The following ZNF729 variants were observed in gnomAD, a reference collection of about 807,000 sequenced individuals.
The protein encoded by ZNF729 is zinc finger protein 729.
Under a neutral mutation model 12.2 loss-of-function variants are expected in ZNF729, and 15 were observed. That is an observed-to-expected ratio of 1.23 (90% CI 0.82 to 1.89). ZNF729 has a LOEUF of 1.89. Among genes scored for constraint, ZNF729 ranks in the 40% most tolerant of loss-of-function variants. ZNF729 has a pLI of 0.00. For synonymous variants in ZNF729, 492 were observed against 476.3 expected, an observed-to-expected ratio of 1.03 and a Z score of -0.43; for missense variants, 1,540 against 1,456.7, an observed-to-expected ratio of 1.06 and a Z score of -0.93.
intron 3 of ZNF729, among the ~76,000 whole-genome samples, chr19:22,307,777 C>A (rs1599757267): frequency 7.2e-5 from 9 of 125,780 alleles, no homozygotes; most frequent in Admixed American, 7.8e-5. Flanking sequence ...TCTTTTATTA[C>A]ATCAAAATTT....
rs1968516696 is a variant in ZNF729 at position 22,315,341 on chromosome 19, C to T, written c.1924C>T (p.His642Tyr). ...ECGKAFRQSS[H>Y]LTRHKAIHTG... ...TGGCAAAGCTTTTAGGCAATCCTCA[C>T]ACCTTACTAGACATAAAGCAATTCA... The change falls in exon 4 of 4, where the codon CAC becomes TAC. Residue 642 changes from histidine (H) to tyrosine (Y), a missense_variant. By Grantham distance (83) the His-to-Tyr change is moderately conservative. Transcript: ENST00000601693. 6.2e-7 allele frequency: 1 copy of T among 1,607,470 alleles called. No individual in the cohort carries two copies. The highest frequency in any genetic ancestry group is 1.7e-5 in the Admixed American group (1 of 59,438).
rs751954339 is a variant in ZNF729, at chr19:22,315,239, G to C, written c.1822G>C (p.Ala608Pro). Reference protein sequence around the residue: ...KLYKCEECGKAFNNSSILAKH... With the variant: ...KLYKCEECGKPFNNSSILAKH... ...GTACAAATGTGAAGAATGTGGCAAA[G>C]CTTTTAACAATTCCTCAATCCTTGC... Residue 608 changes from alanine (A) to proline (P), a missense_variant, in exon 4 of 4, where the codon GCT (alanine) becomes CCT (proline). Transcript: ENST00000601693. 125 of 1,612,200 alleles carry C rather than the reference G, an allele frequency of 7.8e-5. No individual in the cohort carries two copies. The East Asian group carries it at 2.7e-3, about 35-fold the overall frequency.
Position 22,286,453 on chromosome 19 carries a change from C to G in ZNF729, c.-73C>G. The G allele has an allele frequency of 1.3e-6, 2 of 1,591,024 alleles. No individual in the cohort carries two copies. The highest frequency in any genetic ancestry group is 1.7e-6 in the Non-Finnish European group (2 of 1,166,578). The stretch of plus-strand genomic sequence containing the variant: ...TCTGGTTGCAGCCGCAGTTCCCGGT[C>G]TCGCCTTCACTGCTGTGTGTCCTCA... On this transcript the variant is annotated 5_prime_UTR_variant, in exon 1 of 4. Coordinates refer to ENST00000601693, the MANE Select transcript of ZNF729 (RefSeq NM_001242680.2).
chr19:22,314,262 A>G lies in ZNF729; in HGVS notation c.845A>G (p.His282Arg), dbSNP rs1968489975. The G allele has an allele frequency of 6.2e-7, 1 of 1,610,004 alleles. No individual in the cohort carries two copies. ...AFNQSSNLTDHKRIHTGEKTY... is the reference protein window; with the variant it reads ...AFNQSSNLTDRKRIHTGEKTY... ...AACCAGTCCTCAAATCTTACTGACC[A>G]TAAGAGAATTCATACTGGAGAGAAA... Residue 282 changes from histidine to arginine, a missense_variant, in exon 4 of 4, where the codon CAT (histidine) becomes CGT (arginine). By Grantham distance (29) the His-to-Arg change is conservative. Transcript: ENST00000601693.
Position 22,303,890 on chromosome 19 carries a change from G to C in ZNF729, c.157+6G>C. ...CAGAAACCTGGTCTTCCTGGGTGAG[G>C]ATAATTTTAATTAAGCAATTCCTAT... On this transcript the variant is annotated splice_donor_region_variant and intron_variant, in intron 2 of 3. Coordinates refer to ENST00000601693, the MANE Select transcript of ZNF729 (RefSeq NM_001242680.2). The C allele has an allele frequency of 6.4e-7, 1 of 1,561,790 alleles. No homozygotes were observed.
chr19:22,301,413 G>A (rs1023191670), intron 1 of ZNF729, among the ~76,000 whole-genome samples: 10 of 148,196 alleles, frequency 6.7e-5, no homozygotes, highest in African/African-American at 2.2e-4. Context: ...ATGTGCCAGA[G>A]TAGTGTCTAT....
intron 1 of ZNF729, among the ~76,000 whole-genome samples, chr19:22,292,999 C>T (rs1204701729): frequency 6.6e-6 from 1 of 152,148 alleles, no homozygotes; most frequent in African/African-American, 2.4e-5. Flanking sequence ...AGCACATAGC[C>T]GTTTCTCTGA....
chr19:22,298,074 A>G (rs1234771341), intron 1 of ZNF729, among the ~76,000 whole-genome samples: 1 of 151,654 alleles, frequency 6.6e-6, no homozygotes, highest in Non-Finnish European at 1.5e-5. Context: ...GCAATACAGA[A>G]TGATAAAAGC....
At chr19:22,302,089 G>A (rs1184387058) in intron 1 of ZNF729, among the ~76,000 whole-genome samples, 2 of 152,308 alleles carry the variant, frequency 1.3e-5, no homozygotes, top group East Asian at 1.9e-4. Context: ...TTCTGTCTCA[G>A]TATAAGAGAA....
At chr19:22,311,053 C>A (rs1424061389) in intron 3 of ZNF729, among the ~76,000 whole-genome samples, 7 of 152,100 alleles carry the variant, frequency 4.6e-5, no homozygotes, top group African/African-American at 1.7e-4. Flanking sequence ...TGTTTCCTTT[C>A]TTATTGAGGT....
chr19:22,295,590 C>A (rs1258129584), intron 1 of ZNF729, among the ~76,000 whole-genome samples: 1 of 152,018 alleles, frequency 6.6e-6, no homozygotes, highest in Non-Finnish European at 1.5e-5. Context: ...TTACTGGAGA[C>A]GGGGTTTCAC....
At chr19:22,293,790 A>G (rs57250927) in intron 1 of ZNF729, among the ~76,000 whole-genome samples, 3,349 of 152,256 alleles carry the variant, frequency 0.022, 110 homozygotes, top group African/African-American at 0.077. Context: ...CACGGAGCCC[A>G]GCCACCTTTT....
intron 1 of ZNF729, among the ~76,000 whole-genome samples, chr19:22,303,009 A>T (rs1444975301): frequency 3.3e-5 from 5 of 152,176 alleles, no homozygotes; most frequent in African/African-American, 9.7e-5. Flanking sequence ...TCCTGACCTC[A>T]GATGATCCAC....
intron 1 of ZNF729, among the ~76,000 whole-genome samples, chr19:22,295,727 T>C (rs1364263866): frequency 1.3e-5 from 2 of 152,208 alleles, no homozygotes; most frequent in African/African-American, 4.8e-5. Flanking sequence ...AGATAAACGC[T>C]TTCAGCTTGT....
rs749125687 is a variant in ZNF729 at position 22,315,120 on chromosome 19, G to T, written c.1703G>T (p.Gly568Val). The change falls in exon 4 of 4, where the codon GGA becomes GTA. Residue 568 changes from glycine (G) to valine (V), a missense_variant. Gly to Val is a moderately radical substitution (Grantham distance 109). Transcript: ENST00000601693. ...KLTVHKVIHT[G>V]EKPCKCEECG... ...ACTGTACATAAGGTAATTCATACTG[G>T]AGAGAAACCCTGCAAATGTGAAGAA... is the stretch of plus-strand genomic sequence containing the variant. 1 of 1,610,478 alleles carries T rather than the reference G, an allele frequency of 6.2e-7. No homozygotes were observed. Among genetic ancestry groups the T allele is most frequent in the East Asian group, 2.2e-5 (1 of 44,752 alleles).
chr19:22,303,108 G>A (rs1405945938), intron 1 of ZNF729, among the ~76,000 whole-genome samples: 2 of 151,576 alleles, frequency 1.3e-5, no homozygotes, highest in Non-Finnish European at 2.9e-5. Context: ...ATGTGCACCA[G>A]TGATCACATT....
At chr19:22,295,530 AC>A (rs1599753184) in intron 1 of ZNF729, among the ~76,000 whole-genome samples, 1 of 151,734 alleles carries the variant, frequency 6.6e-6, no homozygotes, top group Non-Finnish European at 1.5e-5. Flanking sequence ...AGCTGGGACT[AC>A]AGGCGACTAC....
chr19:22,286,576 AT>A, intron 1 of ZNF729, 21 bp downstream of exon 1: 5 of 1,613,876 alleles, frequency 3.1e-6, no homozygotes. Flanking sequence ...CGGGTCCGAC[AT>A]CCCGAGAAGG....
chr19:22,290,161 G>GT (rs1481799091), intron 1 of ZNF729, among the ~76,000 whole-genome samples: 3 of 152,160 alleles, frequency 2.0e-5, no homozygotes, highest in Non-Finnish European at 4.4e-5. Context: ...GGACCACTTA[G>GT]TTTTTTCTGG....
Sources: gnomAD v4.1 joint callset for allele counts (sites outside exome capture counted in the v4.1 genomes callset) on GRCh38, gnomAD v4.1.1 for gene constraint, MANE v1.5 for transcripts, NCBI Gene and HGNC (gene_info 2026-07-23, HGNC 2026-07-21) for gene names.